The following PBRM1 variants were observed in gnomAD, a reference collection of about 807,000 sequenced individuals.
The protein encoded by PBRM1 is protein polybromo-1.
PBRM1 carries 27 observed loss-of-function variants against 194.5 expected under a neutral mutation model. The observed-to-expected ratio is 0.14, with a 90% CI of 0.10 to 0.19. The LOEUF (loss-of-function observed/expected upper bound fraction) is 0.19. Ranked by LOEUF, PBRM1 falls within the 10% of genes least tolerant of loss-of-function variation. PBRM1 has a pLI of 1.00. For synonymous variants in PBRM1, 655 were observed against 693.2 expected (o/e 0.94, Z 0.87); for missense variants, 1,466 against 2,077.2 (o/e 0.71, Z 5.72).
chr3:52,603,646 A>G (rs758188391), exon 17 of PBRM1: 1 of 1,613,664 alleles, frequency 6.2e-7, no homozygotes, highest in Non-Finnish European at 8.5e-7. Flanking sequence ...TGAAAGAAGA[A>G]TCTCTCCATT....
At chr3:52,606,147 T>C (rs2094339071) in intron 16 of PBRM1, among the ~76,000 whole-genome samples, 1 of 151,946 alleles carries the variant, frequency 6.6e-6, no homozygotes, top group Admixed American at 6.6e-5. Context: ...TATAGGCATA[T>C]GTCACCAAGC....
intron 17 of PBRM1, among the ~76,000 whole-genome samples, chr3:52,592,118 C>T (rs2093138715): frequency 6.8e-6 from 1 of 147,026 alleles, no homozygotes; most frequent in Non-Finnish European, 1.5e-5. Flanking sequence ...AGCCACTGCA[C>T]CAGGTTTTTT....
At chr3:52,612,967 G>A (rs1285310364) in intron 15 of PBRM1, among the ~76,000 whole-genome samples, 4 of 151,428 alleles carry the variant, frequency 2.6e-5, no homozygotes, top group Admixed American at 2.6e-4. Context: ...ATGAGAGTCT[G>A]ATTTGAGGAA....
intron 17 of PBRM1, among the ~76,000 whole-genome samples, chr3:52,592,826 A>G (rs944944898): frequency 2.6e-5 from 4 of 152,076 alleles, no homozygotes; most frequent in African/African-American, 9.7e-5. Flanking sequence ...TACTAATTCA[A>G]TCTCAGAGCT....
chr3:52,648,895 T>A (rs2096404215), intron 6 of PBRM1, among the ~76,000 whole-genome samples: 1 of 152,176 alleles, frequency 6.6e-6, no homozygotes, highest in South Asian at 2.1e-4. Context: ...TCTGAGTACC[T>A]ACTGTGTGCT....
intron 24 of PBRM1, among the ~76,000 whole-genome samples, chr3:52,563,028 T>C (rs1393878564): frequency 1.3e-5 from 2 of 152,138 alleles, no homozygotes; most frequent in Non-Finnish European, 1.5e-5. Context: ...ACCATTAAAA[T>C]AGCTATGAAA....
At chr3:52,611,256 A>G (rs946270611) in intron 15 of PBRM1, among the ~76,000 whole-genome samples, 3 of 152,254 alleles carry the variant, frequency 2.0e-5, no homozygotes, top group Non-Finnish European at 4.4e-5. Flanking sequence ...ATAGCTAATA[A>G]GGAATAAAAT....
chr3:52,589,781 G>C (rs2092831899), intron 17 of PBRM1, among the ~76,000 whole-genome samples: 1 of 151,820 alleles, frequency 6.6e-6, no homozygotes. Flanking sequence ...AATATATCAA[G>C]AACACTAGCC....
chr3:52,577,258 C>A (rs1264258060), intron 21 of PBRM1, among the ~76,000 whole-genome samples: 1 of 151,884 alleles, frequency 6.6e-6, no homozygotes, highest in Non-Finnish European at 1.5e-5. Context: ...TGGTGAAACC[C>A]CATCTCCACT....
chr3:52,670,538 A>AGG (rs1170969482), intron 2 of PBRM1, among the ~76,000 whole-genome samples: 1 of 152,244 alleles, frequency 6.6e-6, no homozygotes. Context: ...ACAATAGATG[A>AGG]GGGCAGTCTG....
intron 27 of PBRM1, among the ~76,000 whole-genome samples, chr3:52,553,488 CT>C (rs35486235): frequency 1.8e-3 from 234 of 128,960 alleles, no homozygotes; most frequent in Middle Eastern, 4.1e-3. Flanking sequence ...TAATGTCAGG[CT>C]TTTTTTTTTT....
chr3:52,609,296 T>C lies in PBRM1; in HGVS notation c.2567+17A>G. 1 of 1,587,072 alleles carries C rather than the reference T, an allele frequency of 6.3e-7. No individual in the cohort carries two copies. The highest frequency in any genetic ancestry group is 2.2e-5 in the East Asian group (1 of 44,616). ...ATAGCACATATCCTCAAAATAAAAATGGCTTTGAAAACATACCGATTCATC... is the reference window on the plus strand; with the variant it reads ...ATAGCACATATCCTCAAAATAAAAACGGCTTTGAAAACATACCGATTCATC... On this transcript the variant is annotated intron_variant, in intron 16 of 29. Coordinates refer to ENST00000296302, the Ensembl canonical transcript of PBRM1. The surrounding 1 kb of genome is among the most constrained non-coding windows in gnomAD (Gnocchi z 4.1).
intron 13 of PBRM1, among the ~76,000 whole-genome samples, chr3:52,619,576 G>C (rs2095167805): frequency 6.6e-6 from 1 of 152,146 alleles, no homozygotes; most frequent in Non-Finnish European, 1.5e-5. Context: ...ACTGTACTTA[G>C]AGGTAAATAT....
chr3:52,584,450 C>CTTTTTTTTTGTTTTTTTTTT (rs2092010305), intron 20 of PBRM1, among the ~76,000 whole-genome samples: 2 of 60,750 alleles, frequency 3.3e-5, no homozygotes, highest in African/African-American at 1.5e-4. Flanking sequence ...AGTATTCTTG[C>CTTTTTTTTTGTTTTTTTTTT]TTTTTTTTTT....
chr3:52,640,735 C>T (rs549183175), intron 10 of PBRM1, among the ~76,000 whole-genome samples: 14 of 151,784 alleles, frequency 9.2e-5, no homozygotes, highest in Non-Finnish European at 1.3e-4. Flanking sequence ...TCCACTTCCT[C>T]GGTTCAAGTG....
At chr3:52,646,096 C>A (rs974727717) in intron 7 of PBRM1, among the ~76,000 whole-genome samples, 5 of 152,158 alleles carry the variant, frequency 3.3e-5, no homozygotes, top group Admixed American at 3.3e-4. Context: ...AAATTCTTAA[C>A]TGTAACAACA....
At chr3:52,581,494 C>G (rs1196670739) in intron 20 of PBRM1, among the ~76,000 whole-genome samples, 9 of 145,864 alleles carry the variant, frequency 6.2e-5, no homozygotes, top group Admixed American at 6.9e-5. Context: ...TGGGCAGACT[C>G]TGTCTCAAAA....
intron 7 of PBRM1, among the ~76,000 whole-genome samples, chr3:52,647,457 A>AAAAATATAT (rs1560745545): frequency 2.1e-5 from 1 of 47,880 alleles, no homozygotes; most frequent in Non-Finnish European, 3.5e-5. Flanking sequence ...AAAAAAAAAA[A>AAAAATATAT]ATATATATAT....
rs1013341039 is a variant in PBRM1, at chr3:52,617,206, A to G, written c.1818+56T>C. ...CTGGTCTCTCAAAATGCATTATTCT[A>G]TAAGTACCCCTCTCCCGCAAAATGT... On this transcript the variant is annotated intron_variant, in intron 14 of 29. Transcript: ENST00000296302. The G allele has an allele frequency of 4.8e-5, 69 of 1,451,828 alleles. No individual in the cohort carries two copies. The African/African-American group carries it at 5.9e-4, about 12-fold the overall frequency. 89.9% of individuals were successfully genotyped at this position (1,451,828 alleles called of 1,614,324 possible).
Sources: allele counts gnomAD v4.1 joint callset (sites outside exome capture counted in the v4.1 genomes callset), GRCh38; gene constraint gnomAD v4.1.1; non-coding constraint Gnocchi (gnomAD v3.1); transcripts MANE v1.5; gene names NCBI Gene and HGNC (gene_info 2026-07-23, HGNC 2026-07-21).